The following PSAP variants were observed in gnomAD, a reference collection of about 807,000 sequenced individuals.
PSAP encodes prosaposin.
Under a neutral mutation model 66.0 loss-of-function variants are expected in PSAP, and 25 were observed. That is an observed-to-expected ratio of 0.38 (90% CI 0.28 to 0.53). The LOEUF (loss-of-function observed/expected upper bound fraction) is 0.53. PSAP is among the 20% of genes least tolerant of loss of function. The pLI, the probability that PSAP is intolerant of heterozygous loss-of-function variation, is 0.83. For missense variants in PSAP, 649 were observed against 668.8 expected (o/e 0.97, Z 0.33); for synonymous variants, 273 against 258.9 (o/e 1.05, Z -0.52).
intron 1 of PSAP, among the ~76,000 whole-genome samples, chr10:71,841,423 T>C (rs1245642127): frequency 2.0e-5 from 3 of 152,266 alleles, no homozygotes; most frequent in South Asian, 2.1e-4. Flanking sequence ...TTCCTTCAGT[T>C]AGTACTTTAT....
chr10:71,840,121 C>T (rs1234990212), intron 1 of PSAP, among the ~76,000 whole-genome samples: 2 of 151,962 alleles, frequency 1.3e-5, no homozygotes, highest in Non-Finnish European at 2.9e-5. Context: ...AGCCATACAA[C>T]ATATGCTTTT....
At chr10:71,834,241 CAG>C (rs764880744) in intron 2 of PSAP, 129 bp downstream of exon 2, 1 of 1,439,584 alleles carries the variant, frequency 6.9e-7, no homozygotes, top group Non-Finnish European at 9.5e-7. Context: ...GCCTCCCACA[CAG>C]AGTCACAGTG....
At chr10:71,827,106 G>A (rs1842410157) in intron 6 of PSAP, among the ~76,000 whole-genome samples, 2 of 152,152 alleles carry the variant, frequency 1.3e-5, no homozygotes, top group South Asian at 4.1e-4. Flanking sequence ...TTTCAAAAAT[G>A]GGGTAAATGG....
Position 71,819,039 on chromosome 10 carries a change from C to A in PSAP, c.1423G>T (p.Val475Leu). 6.2e-7 allele frequency: 1 copy of A among 1,613,972 alleles called. No homozygotes were observed. The change falls in exon 12 of 14, where the codon GTG becomes TTG. Residue 475 changes from valine (V) to leucine (L), a missense_variant. By Grantham distance (32) the Val-to-Leu change is conservative. Coordinates refer to ENST00000394936, the MANE Select transcript of PSAP (RefSeq NM_002778.4). ...CACCCAGTGAGGCTCACCAAGCACA[C>A]GAAGGAAGGATCCATCACCTCCACC... ...ILVEVMDPSF[V>L]CLKIGACPSA...
intron 1 of PSAP, among the ~76,000 whole-genome samples, chr10:71,836,083 CTTCAGACACAAGCAAATGAATTA>C (rs2133055641): frequency 6.6e-6 from 1 of 152,310 alleles, no homozygotes; most frequent in East Asian, 1.9e-4. Flanking sequence ...ACCTTCACCC[CTTCAGACACAAGCAAATGAATTA>C]TTCATCTGCT....
intron 1 of PSAP, 93 bp downstream of exon 1, chr10:71,851,089 G>A: frequency 7.0e-7 from 1 of 1,429,560 alleles, no homozygotes; most frequent in South Asian, 1.2e-5. Flanking sequence ...CTAGGGCAGG[G>A]GGAGCAGAGG....
At chr10:71,835,725 T>C (rs1179195196) in intron 1 of PSAP, among the ~76,000 whole-genome samples, 1 of 147,386 alleles carries the variant, frequency 6.8e-6, no homozygotes, top group Non-Finnish European at 1.5e-5. Flanking sequence ...GGACTACACA[T>C]AGAGGATGGT....
In PSAP at chr10:71,822,338, CTT is replaced by C. The variant is rs1219151615; in HGVS notation, c.778-333_778-332del. 12 of 417,918 alleles carry C rather than the reference CTT, an allele frequency of 2.9e-5. 1 individual carries two copies. Among genetic ancestry groups the C allele is most frequent in the Non-Finnish European group, 5.0e-5 (11 of 222,138 alleles). 25.9% of individuals were successfully genotyped at this position (417,918 alleles called of 1,614,324 possible). A position where few individuals can be genotyped will look rare whatever the true frequency, so the allele number is the denominator to read the frequency against. On this transcript the variant is annotated intron_variant, in intron 7 of 13. Coordinates refer to ENST00000394936, the MANE Select transcript of PSAP (RefSeq NM_002778.4). ...ACACCTGGTCTGTTCTAGAATGTGT[CTT>C]TTCAGGTCACTCTAGGTAGGAACTA... is the stretch of plus-strand genomic sequence containing the variant.
At position 71,819,100 on chromosome 10, in the gene PSAP, A is replaced by C; in HGVS notation, c.1362T>G (p.Phe454Leu). Residue 454 changes from phenylalanine to leucine, a missense_variant, in exon 12 of 14, where the codon TTT (phenylalanine) becomes TTG (leucine). Coordinates refer to ENST00000394936, the MANE Select transcript of PSAP (RefSeq NM_002778.4). ...PDPYQKQCDQ[F>L]VAEYEPVLIE... is the part of the protein sequence containing the mutation. ...TCAGCACGGGCTCGTACTCTGCCAC[A>C]AACTGATCACACTATAAAGGAAAGT... 2 of 1,614,066 alleles carry C rather than the reference A, an allele frequency of 1.2e-6. No individual in the cohort carries two copies. Among genetic ancestry groups the C allele is most frequent in the Non-Finnish European group, 1.7e-6 (2 of 1,179,924 alleles).
At chr10:71,846,181 T>C (rs1415595229) in intron 1 of PSAP, among the ~76,000 whole-genome samples, 1 of 152,146 alleles carries the variant, frequency 6.6e-6, no homozygotes, top group Admixed American at 6.5e-5. Context: ...AATGCCACTT[T>C]ACAAATGATG....
In PSAP at chr10:71,828,077, G is replaced by A; in HGVS notation, c.657C>T (p.Val219=). 6.2e-7 allele frequency: 1 copy of A among 1,614,176 alleles called. No individual in the cohort carries two copies. The highest frequency in any genetic ancestry group is 1.1e-5 in the South Asian group (1 of 91,084). ...QTAVRTNSTF[V]QALVEHVKEE... ...CCTTGACATGTTCCACCAAGGCCTG[G>A]ACAAAGGTGGAGTTGGTCCGTACAG... Residue 219 remains valine (V), a synonymous_variant, in exon 6 of 14, where the codon GTC becomes GTT. Transcript: ENST00000394936.
At chr10:71,849,040 G>A (rs542101020) in intron 1 of PSAP, among the ~76,000 whole-genome samples, 13 of 152,244 alleles carry the variant, frequency 8.5e-5, no homozygotes, top group Non-Finnish European at 1.3e-4. Context: ...TGATGTGAAT[G>A]AATCAGAACT....
intron 13 of PSAP, 90 bp downstream of exon 13, chr10:71,818,527 T>A: frequency 8.9e-7 from 1 of 1,123,882 alleles, no homozygotes; most frequent in Non-Finnish European, 1.4e-6. Flanking sequence ...GGGTGGAGAG[T>A]TGATCACTGG....
At chr10:71,836,277 T>C (rs1470917276) in intron 1 of PSAP, among the ~76,000 whole-genome samples, 1 of 152,132 alleles carries the variant, frequency 6.6e-6, no homozygotes, top group Non-Finnish European at 1.5e-5. Flanking sequence ...GCTCCCCAGA[T>C]GGCTCACAAA....
chr10:71,820,013 AC>A, intron 9 of PSAP, 113 bp from the exon 10 acceptor site: 1 of 1,058,574 alleles, frequency 9.4e-7, no homozygotes, highest in Non-Finnish European at 1.4e-6. Context: ...TGCCGTTTCC[AC>A]CCACAAAAAA....
intron 1 of PSAP, among the ~76,000 whole-genome samples, chr10:71,847,183 G>A (rs1049172186): frequency 6.6e-6 from 1 of 151,914 alleles, no homozygotes; most frequent in Non-Finnish European, 1.5e-5. Context: ...GGCCGGGTGC[G>A]GTGGCTCACA....
At chr10:71,830,762 C>T (rs552414283) in intron 4 of PSAP, among the ~76,000 whole-genome samples, 1 of 152,158 alleles carries the variant, frequency 6.6e-6, no homozygotes, top group Non-Finnish European at 1.5e-5. Context: ...CTGAATTATT[C>T]CTTGATTATA....
At chr10:71,818,052 A>C (rs192877228) in intron 13 of PSAP, among the ~76,000 whole-genome samples, 1 of 152,356 alleles carries the variant, frequency 6.6e-6, no homozygotes, top group East Asian at 1.9e-4. Flanking sequence ...GTGAGGAAGG[A>C]AAAGTTGCAC....
At chr10:71,838,433 C>A (rs767949534) in intron 1 of PSAP, among the ~76,000 whole-genome samples, 1 of 104,794 alleles carries the variant, frequency 9.5e-6, no homozygotes, top group Non-Finnish European at 2.3e-5. Context: ...TTCAGAGACA[C>A]GCGGTCATCT....
Sources: gnomAD v4.1 joint callset for allele counts (sites outside exome capture counted in the v4.1 genomes callset) on GRCh38, gnomAD v4.1.1 for gene constraint, MANE v1.5 for transcripts, NCBI Gene and HGNC (gene_info 2026-07-23, HGNC 2026-07-21) for gene names.